The following METTL3 variants were observed in gnomAD, a reference collection of about 807,000 sequenced individuals.
METTL3 encodes N(6)-adenosine-methyltransferase catalytic subunit METTL3.
In METTL3, 42 loss-of-function variants were observed where a neutral mutation model predicts 64.3. That is an observed-to-expected ratio of 0.65 (90% CI 0.51 to 0.84). The LOEUF is 0.84. Among genes scored for constraint, METTL3 ranks in the 40% least tolerant of loss-of-function variants. The probability of loss-of-function intolerance (pLI) is 0.00; values close to 1 mark genes in which losing one functional copy is unlikely to be tolerated. For synonymous variants in METTL3, 256 were observed against 263.6 expected, an observed-to-expected ratio of 0.97 and a Z score of 0.28; for missense variants, 435 against 722.3, an observed-to-expected ratio of 0.60 and a Z score of 4.56.
intron 3 of METTL3, chr14:21,502,314 G>A (rs1454856961): frequency 6.0e-6 from 1 of 165,548 alleles, no homozygotes; most frequent in Admixed American, 5.6e-5. Flanking sequence ...ATGAGCCATT[G>A]TGCCTAGACC....
chr14:21,507,420 GA>G (rs1339463475), intron 1 of METTL3, among the ~76,000 whole-genome samples: 1 of 152,140 alleles, frequency 6.6e-6, no homozygotes, highest in Admixed American at 6.6e-5. Context: ...AGCAATTTGA[GA>G]GGCCGAGATG....
At chr14:21,499,923 G>A in intron 6 of METTL3, 121 bp from the exon 7 acceptor site, 1 of 846,590 alleles carries the variant, frequency 1.2e-6, no homozygotes, top group Admixed American at 2.1e-5. Flanking sequence ...ACATTTACAT[G>A]CACACCACCA....
intron 1 of METTL3, chr14:21,504,099 TTGAG>T: frequency 1.8e-6 from 1 of 542,606 alleles, no homozygotes; most frequent in Non-Finnish European, 3.3e-6. Context: ...CTTTTCTCTA[TTGAG>T]TGAGTAATCT....
chr14:21,511,285 T>C lies in METTL3; in HGVS notation c.-62A>G. ...GCGGCGGACTAGCACCTCCCAGCAC[T>C]CGCTCCAGGATATAGCCAATTCTCA... On this transcript the variant is annotated 5_prime_UTR_variant, in exon 1 of 11. Transcript: ENST00000298717. 1 of 1,567,746 alleles carries C rather than the reference T, an allele frequency of 6.4e-7. No homozygotes were observed. Among genetic ancestry groups the C allele is most frequent in the Non-Finnish European group, 8.6e-7 (1 of 1,156,938 alleles).
At chr14:21,503,623 C>T in intron 2 of METTL3, 41 bp downstream of exon 2, 1 of 1,613,582 alleles carries the variant, frequency 6.2e-7, no homozygotes, top group South Asian at 1.1e-5. Context: ...TGACCGTGAA[C>T]TGAAAATAAG....
At position 21,510,207 on chromosome 14, in the gene METTL3, T is replaced by C. The variant is rs189201887; in HGVS notation, c.100+917A>G. Among the ~76,000 whole-genome samples, 530 of 152,370 alleles carry C rather than the reference T, an allele frequency of 3.5e-3. 5 individuals are homozygous for C. The highest frequency in any genetic ancestry group is 0.012 in the African/African-American group (487 of 41,580). ...GGGCAATTTCTTCCTTATTTTTGTC[T>C]AATTAGACCCATGAACACTGTAGAT... On this transcript the variant is annotated intron_variant, in intron 1 of 10. Coordinates refer to ENST00000298717, the MANE Select transcript of METTL3 (RefSeq NM_019852.5).
chr14:21,498,244 G>C lies in METTL3; in HGVS notation c.*14C>G. On this transcript the variant is annotated 3_prime_UTR_variant, in exon 11 of 11. Coordinates refer to ENST00000298717, the MANE Select transcript of METTL3 (RefSeq NM_019852.5). ...GCCATGGCTATGGATTCTTAGCTCT[G>C]TAAGGAAGTGCTTCTATAAATTCTT... is the stretch of plus-strand genomic sequence containing the variant. 3 of 1,455,280 alleles carry C rather than the reference G, an allele frequency of 2.1e-6. No homozygotes were observed. Among genetic ancestry groups the C allele is most frequent in the Non-Finnish European group, 1.9e-6 (2 of 1,035,076 alleles). The allele number at this position is 1,455,280 out of a possible 1,614,324, so 90.1% of individuals were successfully genotyped here.
At chr14:21,499,227 C>A in intron 9 of METTL3, 79 bp downstream of exon 9, 2 of 1,592,018 alleles carry the variant, frequency 1.3e-6, no homozygotes, top group Middle Eastern at 3.3e-4. Flanking sequence ...TGAGAAAAAT[C>A]TGGGATGAGA....
chr14:21,501,490 C>G lies in METTL3; in HGVS notation c.899+238G>C, dbSNP rs1350006150. ...TCACTGTGGCTCAGAGACAGACATA[C>G]TTTGCTATTCTAAGAGGGAGGGAGC... On this transcript the variant is annotated intron_variant, in intron 4 of 10. Transcript: ENST00000298717. The G allele has an allele frequency of 1.0e-5, 6 of 582,432 alleles. No individual in the cohort carries two copies. The Admixed American group carries it at 1.6e-4, about 15-fold the overall frequency. 36.1% of individuals were successfully genotyped at this position (582,432 alleles called of 1,614,324 possible). A position where few individuals can be genotyped will look rare whatever the true frequency, so the allele number is the denominator to read the frequency against.
At chr14:21,498,393 C>A in intron 10 of METTL3, 24 bp from the exon 11 acceptor site, 1 of 1,611,658 alleles carries the variant, frequency 6.2e-7, no homozygotes, top group Non-Finnish European at 8.5e-7. Context: ...AAAGGAGGGG[C>A]AAACCAGAAA....
intron 1 of METTL3, among the ~76,000 whole-genome samples, chr14:21,508,593 A>G (rs1891754500): frequency 6.6e-6 from 1 of 152,196 alleles, no homozygotes; most frequent in African/African-American, 2.4e-5. Flanking sequence ...TTAGAAATGG[A>G]AAAGTATAAA....
chr14:21,501,609 T>C (rs1891569397), intron 4 of METTL3, 119 bp downstream of exon 4: 3 of 1,326,650 alleles, frequency 2.3e-6, no homozygotes, highest in Non-Finnish European at 3.2e-6. Context: ...TCTGGAGGAC[T>C]TACACAAACC....
In METTL3 at chr14:21,503,356, T is replaced by C. The variant is rs1436744934; in HGVS notation, c.540A>G (p.Ala180=). 6.2e-7 allele frequency: 1 copy of C among 1,614,220 alleles called. No homozygotes were observed. The highest frequency in any genetic ancestry group is 1.1e-5 in the South Asian group (1 of 91,082). ...AGTVTGQKRR[A]EQDSTTVAAF... is the part of the protein sequence containing the mutation. ...CAGCTACTGTAGTCGAGTCCTGTTC[T>C]GCACGCCGCTTCTGCCCTGTGACAG... is the stretch of plus-strand genomic sequence containing the variant. Residue 180 remains alanine, a synonymous_variant, in exon 3 of 11, where the codon GCA becomes GCG. Transcript: ENST00000298717.
chr14:21,501,644 G>C, intron 4 of METTL3, 84 bp downstream of exon 4: 1 of 1,551,680 alleles, frequency 6.4e-7, no homozygotes, highest in Non-Finnish European at 8.9e-7. Flanking sequence ...ATTACAGACA[G>C]AACCCCAATG....
chr14:21,504,098 A>G (rs1421521385), intron 1 of METTL3: 7 of 543,494 alleles, frequency 1.3e-5, no homozygotes, highest in Admixed American at 9.7e-5. Flanking sequence ...CCTTTTCTCT[A>G]TTGAGTGAGT....
At chr14:21,507,861 GTA>G (rs2139650251) in intron 1 of METTL3, 1 of 152,288 alleles carries the variant, frequency 6.6e-6, no homozygotes, top group South Asian at 2.1e-4. Context: ...GGTTTAATTT[GTA>G]TGTTTCATCT....
intron 1 of METTL3, chr14:21,504,532 GGTTA>G (rs1430688824): frequency 2.3e-4 from 35 of 152,156 alleles, no homozygotes; most frequent in African/African-American, 8.5e-4. Context: ...TAATATCTGT[GGTTA>G]ATTAAAATAT....
chr14:21,501,881 AGCTCTAGG>A lies in METTL3; in HGVS notation c.738_745del (p.Leu247IlefsTer13). On this transcript the variant is annotated frameshift_variant, in exon 4 of 11. Transcript: ENST00000298717. LOFTEE classifies it high-confidence loss of function. ...TTCCTTGGCTGTTGTAGTATTTAAT[AGCTCTAGG>A]ATCTCCTGACTGACCTGTGACAGAA... is the stretch of plus-strand genomic sequence containing the variant. 1 of 1,614,178 alleles carries A rather than the reference AGCTCTAGG, an allele frequency of 6.2e-7. No individual in the cohort carries two copies. Among genetic ancestry groups the A allele is most frequent in the Middle Eastern group, 1.6e-4 (1 of 6,062 alleles).
intron 1 of METTL3, among the ~76,000 whole-genome samples, chr14:21,506,841 G>A (rs528823667): frequency 6.6e-6 from 1 of 152,198 alleles, no homozygotes; most frequent in Non-Finnish European, 1.5e-5. Context: ...AAGCAACATG[G>A]CAAAACCCTG....
Sources: allele counts gnomAD v4.1 joint callset (sites outside exome capture counted in the v4.1 genomes callset), GRCh38; gene constraint gnomAD v4.1.1; transcripts MANE v1.5; gene names NCBI Gene and HGNC (gene_info 2026-07-23, HGNC 2026-07-21).